The following SCP2 variants were observed in gnomAD, a reference collection of about 807,000 sequenced individuals.
SCP2 encodes the protein sterol carrier protein 2.
SCP2 carries 48 observed loss-of-function variants against 71.4 expected under a neutral mutation model. The observed-to-expected ratio is 0.67, with a 90% CI of 0.53 to 0.86. SCP2 has a LOEUF of 0.86. Among genes scored for constraint, SCP2 ranks in the 40% least tolerant of loss-of-function variants. SCP2 has a pLI of 0.00. For synonymous variants in SCP2, 220 were observed against 218.1 expected, an observed-to-expected ratio of 1.01 and a Z score of -0.08; for missense variants, 560 against 655.6, an observed-to-expected ratio of 0.85 and a Z score of 1.59.
At chr1:53,038,832 A>T in intron 13 of SCP2, 85 bp from the exon 14 acceptor site, 1 of 1,541,934 alleles carries the variant, frequency 6.5e-7, no homozygotes, top group Non-Finnish European at 9.0e-7. Context: ...TACTCATATC[A>T]TGTATCTATT....
At chr1:53,049,491 GGC>G (rs1664063754) in intron 15 of SCP2, 1 of 152,090 alleles carries the variant, frequency 6.6e-6, no homozygotes, top group Admixed American at 6.5e-5. Context: ...AACACCTAGG[GGC>G]CAGATTAAAA....
At chr1:52,957,712 T>C (rs1655954657) in intron 5 of SCP2, among the ~76,000 whole-genome samples, 1 of 152,254 alleles carries the variant, frequency 6.6e-6, no homozygotes, top group Non-Finnish European at 1.5e-5. Flanking sequence ...GAATTGTGCC[T>C]TTTGTGGTGT....
chr1:53,026,973 C>G (rs1662178361), intron 12 of SCP2, among the ~76,000 whole-genome samples: 1 of 147,030 alleles, frequency 6.8e-6, no homozygotes, highest in South Asian at 2.1e-4. Flanking sequence ...GGTTCTCACT[C>G]TGTCACCCAG....
At chr1:53,005,212 A>T (rs2150215325) in intron 11 of SCP2, among the ~76,000 whole-genome samples, 1 of 152,330 alleles carries the variant, frequency 6.6e-6, no homozygotes, top group East Asian at 1.9e-4. Context: ...GCATAGCTGA[A>T]CAAAAGGCAG....
chr1:52,941,104 G>C (rs1044062452), intron 1 of SCP2, among the ~76,000 whole-genome samples: 3 of 152,124 alleles, frequency 2.0e-5, no homozygotes, highest in Admixed American at 1.3e-4. Flanking sequence ...ATTATTTACA[G>C]TTCTTCCACA....
intron 1 of SCP2, among the ~76,000 whole-genome samples, chr1:52,935,787 A>C (rs1434851268): frequency 6.6e-6 from 1 of 151,650 alleles, no homozygotes; most frequent in Non-Finnish European, 1.5e-5. Flanking sequence ...AAGATAGAAA[A>C]ATTAGCTGGG....
At chr1:53,022,664 C>T (rs910771368) in intron 12 of SCP2, among the ~76,000 whole-genome samples, 3 of 152,170 alleles carry the variant, frequency 2.0e-5, no homozygotes, top group Admixed American at 6.6e-5. Context: ...AAGTCCCACA[C>T]ATTAGGTATT....
intron 14 of SCP2, among the ~76,000 whole-genome samples, chr1:53,042,102 A>G (rs925498970): frequency 6.6e-6 from 1 of 152,194 alleles, no homozygotes; most frequent in African/African-American, 2.4e-5. Flanking sequence ...AGTTTCCTGA[A>G]TTATACAGAG....
rs1654371183 is a variant in SCP2 at position 52,942,693 on chromosome 1, G to A, written c.127+840G>A. Among the ~76,000 whole-genome samples, 3 of 143,422 alleles carry A rather than the reference G, an allele frequency of 2.1e-5. No homozygotes were observed. In the South Asian group the frequency reaches 6.6e-4, roughly 31 times the overall value. 94.1% of individuals were successfully genotyped at this position (143,422 alleles called of 152,430 possible). ...CTGGCATTGCCAGAAAAATTTAACA[G>A]GTTTTTTTTTTTTTTTTTTTTTGAG... On this transcript the variant is annotated intron_variant, in intron 2 of 15. Transcript: ENST00000371514.
chr1:52,937,628 A>T (rs1653856408), intron 1 of SCP2, among the ~76,000 whole-genome samples: 1 of 152,250 alleles, frequency 6.6e-6, no homozygotes, highest in African/African-American at 2.4e-5. Context: ...GAAATGTGGC[A>T]TTTAAGTCAC....
intron 10 of SCP2, among the ~76,000 whole-genome samples, chr1:52,986,898 T>A (rs1659029146): frequency 6.6e-6 from 1 of 151,128 alleles, no homozygotes; most frequent in African/African-American, 2.4e-5. Flanking sequence ...TTACGTATAA[T>A]AACTACATAT....
At chr1:53,046,651 TCTC>T (rs1181991889) in intron 14 of SCP2, among the ~76,000 whole-genome samples, 7 of 152,306 alleles carry the variant, frequency 4.6e-5, no homozygotes, top group Non-Finnish European at 4.4e-5. Context: ...GCAAATATCT[TCTC>T]CTCCCTCTGT....
chr1:52,975,789 C>A (rs1444330863), intron 7 of SCP2, among the ~76,000 whole-genome samples: 1 of 152,186 alleles, frequency 6.6e-6, no homozygotes, highest in African/African-American at 2.4e-5. Flanking sequence ...CTAACACCAA[C>A]TGGGTATATT....
At chr1:52,959,756 G>A (rs1292142154) in intron 5 of SCP2, among the ~76,000 whole-genome samples, 1 of 151,940 alleles carries the variant, frequency 6.6e-6, no homozygotes, top group Non-Finnish European at 1.5e-5. Flanking sequence ...ATCTTTGGAC[G>A]TGTCTTTTCC....
intron 10 of SCP2, among the ~76,000 whole-genome samples, chr1:52,983,934 GT>G (rs2150179642): frequency 6.6e-6 from 1 of 152,264 alleles, no homozygotes; most frequent in South Asian, 2.1e-4. Flanking sequence ...TGATGTTTTT[GT>G]TTTAGCAAGC....
At chr1:53,009,911 G>T (rs1034441252) in intron 11 of SCP2, among the ~76,000 whole-genome samples, 2 of 152,034 alleles carry the variant, frequency 1.3e-5, no homozygotes, top group Admixed American at 6.5e-5. Context: ...AATCTACAAA[G>T]AACTTAAACA....
rs570680784 is a variant in SCP2, at chr1:52,993,535, G to C, written c.1081+5399G>C. ...AACTGCCTCTATCTGTGACTGAAAA[G>C]ACCAACAGGAAGCCCTCGCCAGTCC... On this transcript the variant is annotated intron_variant, in intron 11 of 15. Transcript: ENST00000371514. 50 of 1,612,308 alleles carry C rather than the reference G, an allele frequency of 3.1e-5. No individual in the cohort carries two copies. The South Asian group carries it at 5.2e-4, about 17-fold the overall frequency.
intron 10 of SCP2, among the ~76,000 whole-genome samples, chr1:52,984,358 T>G (rs1276976968): frequency 6.6e-6 from 1 of 152,158 alleles, no homozygotes; most frequent in African/African-American, 2.4e-5. Context: ...ATAATCCCCC[T>G]GCTTTTATTT....
chr1:53,007,567 C>A (rs1660714541), intron 11 of SCP2, among the ~76,000 whole-genome samples: 1 of 152,176 alleles, frequency 6.6e-6, no homozygotes, highest in African/African-American at 2.4e-5. Context: ...TAAAGATGTT[C>A]TTTGAAGCCA....
Sources: gnomAD v4.1 joint callset for allele counts (sites outside exome capture counted in the v4.1 genomes callset) on GRCh38, gnomAD v4.1.1 for gene constraint, MANE v1.5 for transcripts, NCBI Gene and HGNC (gene_info 2026-07-23, HGNC 2026-07-21) for gene names.